Variants in TAFA2 observed in about 807,000 individuals in gnomAD.
TAFA2 encodes TAFA chemokine like family member 2.
Under a neutral mutation model 18.8 loss-of-function variants are expected in TAFA2, and 7 were observed. The ratio of observed to expected loss-of-function variants is 0.37; its 90% CI spans 0.21 to 0.70. The LOEUF (loss-of-function observed/expected upper bound fraction) is 0.70, where lower values mean the gene tolerates loss of function less well. Among genes scored for constraint, TAFA2 ranks in the 30% least tolerant of loss-of-function variants. The pLI, the probability that TAFA2 is intolerant of heterozygous loss-of-function variation, is 0.53. For missense variants in TAFA2, 122 were observed against 158.1 expected, an observed-to-expected ratio of 0.77 and a Z score of 1.23; for synonymous variants, 60 against 54.2, an observed-to-expected ratio of 1.11 and a Z score of -0.47.
upstream of TAFA2, among the ~76,000 whole-genome samples, chr12:62,195,394 T>C (rs1040992913): frequency 2.6e-5 from 4 of 152,360 alleles, no homozygotes; most frequent in Admixed American, 1.3e-4. Context: ...GAATGGTGAA[T>C]GATCTCCAGA....
rs562781133 is a variant in TAFA2 at position 62,173,950 on chromosome 12, T to G, written c.-2+17309A>C. Among the ~76,000 whole-genome samples, 3 of 152,246 alleles carry G rather than the reference T, an allele frequency of 2.0e-5. No individual in the cohort carries two copies. In the East Asian group the frequency reaches 5.8e-4, roughly 29 times the overall value. On this transcript the variant is annotated intron_variant, in intron 1 of 4. Transcript: ENST00000416284. ...TTACCAGGAACCTTAGATTTGGAAATTGTCAACACATATGCAGTAGTTAAG... is the reference window on the plus strand; with the variant it reads ...TTACCAGGAACCTTAGATTTGGAAAGTGTCAACACATATGCAGTAGTTAAG...
chr12:61,879,103 T>C (rs1159500197), intron 1 of TAFA2, among the ~76,000 whole-genome samples: 1 of 152,078 alleles, frequency 6.6e-6, no homozygotes, highest in African/African-American at 2.4e-5. Context: ...AGGACAGAAG[T>C]TGGAGGCTGC....
At chr12:62,123,023 G>C (rs1565752045) in intron 1 of TAFA2, among the ~76,000 whole-genome samples, 1 of 152,046 alleles carries the variant, frequency 6.6e-6, no homozygotes, top group Non-Finnish European at 1.5e-5. Flanking sequence ...CCAGCTACAG[G>C]TATCTACATA....
intron 1 of TAFA2, among the ~76,000 whole-genome samples, chr12:61,929,524 G>T (rs1295022205): frequency 6.6e-6 from 1 of 152,086 alleles, no homozygotes; most frequent in African/African-American, 2.4e-5. Context: ...GGAGAGGATG[G>T]GGAGAAATAG....
At chr12:62,098,058 G>A (rs1184352832) in intron 1 of TAFA2, among the ~76,000 whole-genome samples, 1 of 152,084 alleles carries the variant, frequency 6.6e-6, no homozygotes, top group Non-Finnish European at 1.5e-5. Context: ...TCCCATTTTG[G>A]AAGTGAAAAC....
At chr12:61,818,969 C>T (rs939534426) in intron 2 of TAFA2, among the ~76,000 whole-genome samples, 1 of 152,176 alleles carries the variant, frequency 6.6e-6, no homozygotes, top group East Asian at 1.9e-4. Flanking sequence ...CAAACACTTG[C>T]TTCTTCCATT....
intron 1 of TAFA2, among the ~76,000 whole-genome samples, chr12:62,030,105 T>A (rs1177519400): frequency 6.6e-6 from 1 of 152,158 alleles, no homozygotes; most frequent in African/African-American, 2.4e-5. Context: ...TCTAACTTAT[T>A]ATCAGCCACT....
intron 1 of TAFA2, among the ~76,000 whole-genome samples, chr12:61,895,571 A>G (rs1357554163): frequency 6.6e-6 from 1 of 152,220 alleles, no homozygotes; most frequent in Non-Finnish European, 1.5e-5. Context: ...TGGAGAGAAC[A>G]GTTCACAAAG....
intron 4 of TAFA2, among the ~76,000 whole-genome samples, chr12:61,736,628 C>T (rs1471027403): frequency 6.6e-6 from 1 of 151,936 alleles, no homozygotes; most frequent in Non-Finnish European, 1.5e-5. Context: ...TTCCATTTTG[C>T]TTGGGATAGC....
At chr12:62,001,004 G>A (rs1289118915) in intron 1 of TAFA2, among the ~76,000 whole-genome samples, 4 of 152,162 alleles carry the variant, frequency 2.6e-5, no homozygotes, top group African/African-American at 9.7e-5. Context: ...GTGCTCCACT[G>A]CTCTCTTCCC....
At chr12:61,810,169 T>C (rs958453072) in intron 2 of TAFA2, among the ~76,000 whole-genome samples, 3 of 151,500 alleles carry the variant, frequency 2.0e-5, no homozygotes, top group Non-Finnish European at 4.4e-5. Context: ...TACCATAACA[T>C]TTTTCTTCAA....
intron 1 of TAFA2, among the ~76,000 whole-genome samples, chr12:62,180,743 T>G (rs2062546616): frequency 2.6e-5 from 4 of 152,018 alleles, no homozygotes; most frequent in Non-Finnish European, 5.9e-5. Flanking sequence ...CCAAAAAAAT[T>G]TAGTATCATT....
At chr12:62,024,821 A>C (rs1427766479) in intron 1 of TAFA2, among the ~76,000 whole-genome samples, 1 of 152,176 alleles carries the variant, frequency 6.6e-6, no homozygotes, top group African/African-American at 2.4e-5. Context: ...ACACTTCTCA[A>C]AAGAAGACAT....
At chr12:62,109,907 A>G (rs1011060300) in intron 1 of TAFA2, among the ~76,000 whole-genome samples, 1 of 152,216 alleles carries the variant, frequency 6.6e-6, no homozygotes, top group African/African-American at 2.4e-5. Flanking sequence ...CTAAATATAC[A>G]ATCATGTCAT....
intron 2 of TAFA2, among the ~76,000 whole-genome samples, chr12:61,801,436 A>G (rs1226376520): frequency 2.6e-5 from 4 of 151,988 alleles, no homozygotes; most frequent in African/African-American, 9.7e-5. Flanking sequence ...CAAAGAACAG[A>G]GAATCCAGAA....
Position 62,199,349 on chromosome 12 carries a change from T to C in TAFA2, c.-130+59414A>G, listed in dbSNP as rs1302463834. ...GCATAAGCTATTTATTCTGATACTCTCCCTCCCCACACCCTGCCAACGCCA... is the reference window on the plus strand; with the variant it reads ...GCATAAGCTATTTATTCTGATACTCCCCCTCCCCACACCCTGCCAACGCCA... On this transcript the variant is annotated intron_variant, in intron 1 of 5. Transcript: ENST00000551619. Among the ~76,000 whole-genome samples the C allele has an allele frequency of 2.6e-5, 4 of 152,146 alleles. No homozygotes were observed. In the East Asian group the frequency reaches 7.7e-4, roughly 29 times the overall value.
At chr12:62,212,639 C>T (rs1592403359) in intron 1 of TAFA2, among the ~76,000 whole-genome samples, 1 of 152,168 alleles carries the variant, frequency 6.6e-6, no homozygotes, top group Non-Finnish European at 1.5e-5. Flanking sequence ...GAATTGCTTT[C>T]CTTTGAAACC....
At chr12:61,786,435 A>G (rs1870740630) in intron 2 of TAFA2, among the ~76,000 whole-genome samples, 1 of 151,684 alleles carries the variant, frequency 6.6e-6, no homozygotes. Context: ...CATCCACTCA[A>G]AAATGACCAG....
At chr12:61,826,151 C>T (rs939388199) in intron 2 of TAFA2, among the ~76,000 whole-genome samples, 1 of 152,058 alleles carries the variant, frequency 6.6e-6, no homozygotes, top group African/African-American at 2.4e-5. Flanking sequence ...CCAACAAGCA[C>T]ATAACACCAT....
Sources: gnomAD v4.1 joint callset for allele counts (sites outside exome capture counted in the v4.1 genomes callset) on GRCh38, gnomAD v4.1.1 for gene constraint, MANE v1.5 for transcripts, NCBI Gene and HGNC (gene_info 2026-07-23, HGNC 2026-07-21) for gene names.